The following CDH20 variants were observed in gnomAD, a reference collection of about 807,000 sequenced individuals.
The protein encoded by CDH20 is cadherin 20, also known as cadherin-20.
CDH20 carries 29 observed loss-of-function variants against 74.2 expected under a neutral mutation model. The ratio of observed to expected loss-of-function variants is 0.39; its 90% CI spans 0.29 to 0.53. CDH20 has a LOEUF of 0.53. CDH20 is among the 20% of genes least tolerant of loss of function. The pLI, the probability that CDH20 is intolerant of heterozygous loss-of-function variation, is 0.69. For synonymous variants in CDH20, 469 were observed against 405.4 expected (o/e 1.16, Z -1.88); for missense variants, 988 against 1,048.3 (o/e 0.94, Z 0.79).
chr18:61,363,259 A>G (rs1453360445), intron 1 of CDH20, among the ~76,000 whole-genome samples: 1 of 152,154 alleles, frequency 6.6e-6, no homozygotes, highest in East Asian at 1.9e-4. Flanking sequence ...ATTGGCAGCT[A>G]CACAGCATGG....
intron 6 of CDH20, 38 bp downstream of exon 6, chr18:61,507,598 G>T: frequency 1.4e-6 from 2 of 1,464,432 alleles, no homozygotes; most frequent in Middle Eastern, 1.9e-4. Flanking sequence ...TTTCATGGGT[G>T]CTTTGAATGT....
At chr18:61,554,054 A>C (rs1913529964) in intron 11 of CDH20, 136 bp from the exon 12 acceptor site, 6 of 1,031,086 alleles carry the variant, frequency 5.8e-6, no homozygotes, top group Non-Finnish European at 8.4e-6. Flanking sequence ...CCGAGGTTTC[A>C]GATATCCAAA....
intron 9 of CDH20, among the ~76,000 whole-genome samples, chr18:61,542,527 G>T (rs1177417370): frequency 6.6e-6 from 1 of 152,222 alleles, no homozygotes; most frequent in Non-Finnish European, 1.5e-5. Context: ...CAGAACTAGA[G>T]TTTCCCCAAG....
Position 61,502,959 on chromosome 18 carries a change from T to G in CDH20, c.668T>G (p.Ile223Ser). 1 of 1,604,936 alleles carries G rather than the reference T, an allele frequency of 6.2e-7. No individual in the cohort carries two copies. Among genetic ancestry groups the G allele is most frequent in the South Asian group, 1.1e-5 (1 of 89,154 alleles). Residue 223 changes from isoleucine (I) to serine (S), a missense_variant, in exon 5 of 12, where the codon ATT becomes AGT. By Grantham distance (142) the Ile-to-Ser change is moderately radical (BLOSUM62 -2). This residue lies in a region of CDH20 where 613 missense variants were observed against 755.2 expected (regional missense o/e 0.81). Coordinates refer to ENST00000262717, the MANE Select transcript of CDH20 (RefSeq NM_031891.4). ...YFSVDSKTGV[I>S]RTALMNMDRE... ...AGTCATTTCTATCCTCCAGGTGTAA[T>G]TAGGACAGCGCTCATGAACATGGAC...
intron 1 of CDH20, among the ~76,000 whole-genome samples, chr18:61,397,478 C>A (rs1393679405): frequency 6.6e-6 from 1 of 152,184 alleles, no homozygotes; most frequent in Non-Finnish European, 1.5e-5. Context: ...GGCTCCCGGG[C>A]TGGCTCCTTT....
intron 1 of CDH20, among the ~76,000 whole-genome samples, chr18:61,485,942 G>A (rs762405130): frequency 1.8e-4 from 27 of 152,080 alleles, no homozygotes; most frequent in South Asian, 6.2e-4. Context: ...GTGTGGTGGC[G>A]GGCACCTGCA....
rs552923830 is a variant in CDH20, at chr18:61,366,509, A to G, written c.-153+32682A>G. On this transcript the variant is annotated intron_variant, in intron 1 of 11. Transcript: ENST00000262717. ...AGAACTGGACATTACATAAATCCTT[A>G]TTCTTTTTTATAACAAGTGTTTGAT... Among the ~76,000 whole-genome samples, 42 of 152,310 alleles carry G rather than the reference A, an allele frequency of 2.8e-4. 1 individual carries two copies. In the South Asian group the frequency reaches 3.5e-3, roughly 13 times the overall value.
In CDH20 at chr18:61,442,876, T is replaced by C. The variant is rs1177323717; in HGVS notation, c.-152-47526T>C. 5.3e-5 allele frequency among the ~76,000 whole-genome samples: 8 copies of C among 150,294 alleles called. No homozygotes were observed. In the South Asian group the frequency reaches 1.3e-3, roughly 24 times the overall value. The stretch of plus-strand genomic sequence containing the variant: ...TGGCCTTCTGAGGCCCTCACTGATT[T>C]GCCCTCAGATTTAAAGATCTAATTC... On this transcript the variant is annotated intron_variant, in intron 1 of 11. Coordinates refer to ENST00000262717, the MANE Select transcript of CDH20 (RefSeq NM_031891.4).
At chr18:61,500,275 C>T in intron 3 of CDH20, 108 bp from the exon 4 acceptor site, 3 of 1,167,334 alleles carry the variant, frequency 2.6e-6, no homozygotes, top group Admixed American at 2.2e-5. Context: ...AGGGGACTCT[C>T]CCAATGAAGC....
At chr18:61,456,852 G>A (rs747315450) in intron 1 of CDH20, among the ~76,000 whole-genome samples, 13 of 152,110 alleles carry the variant, frequency 8.5e-5, no homozygotes, top group Non-Finnish European at 1.9e-4. Context: ...GTGTGCAGGT[G>A]GTTGTCTCTT....
chr18:61,502,072 T>C (rs958223194), intron 4 of CDH20, among the ~76,000 whole-genome samples: 1 of 152,218 alleles, frequency 6.6e-6, no homozygotes. Context: ...TCCATTTTCA[T>C]GCAAAAGGTC....
intron 1 of CDH20, among the ~76,000 whole-genome samples, chr18:61,435,597 T>G (rs1331386172): frequency 1.3e-5 from 2 of 152,040 alleles, no homozygotes; most frequent in East Asian, 3.9e-4. Flanking sequence ...GGGATGCCAT[T>G]ATCCCAGAAA....
intron 4 of CDH20, 77 bp downstream of exon 4, chr18:61,500,579 T>C (rs956161767): frequency 2.0e-6 from 3 of 1,475,948 alleles, no homozygotes; most frequent in Admixed American, 3.9e-5. Flanking sequence ...GACCCAACTC[T>C]CCTTTTTAAG....
In CDH20 at chr18:61,435,627, C is replaced by A. The variant is rs73447327; in HGVS notation, c.-152-54775C>A. Among the ~76,000 whole-genome samples the A allele has an allele frequency of 1.8e-4, 28 of 151,832 alleles. No homozygotes were observed. The East Asian group carries it at 5.2e-3, about 28-fold the overall frequency. ...CAGAAAGAGGAAATATCAGAAGAAG[C>A]AGATTCATAGGCAGACATAGGACAA... On this transcript the variant is annotated intron_variant, in intron 1 of 11. Coordinates refer to ENST00000262717, the MANE Select transcript of CDH20 (RefSeq NM_031891.4).
At chr18:61,517,969 C>G (rs1185746591) in intron 6 of CDH20, among the ~76,000 whole-genome samples, 1 of 152,118 alleles carries the variant, frequency 6.6e-6, no homozygotes, top group Non-Finnish European at 1.5e-5. Context: ...ACTGAGTAGG[C>G]AGTTTTCCCC....
chr18:61,419,762 A>G (rs956006334), intron 1 of CDH20, among the ~76,000 whole-genome samples: 1 of 152,078 alleles, frequency 6.6e-6, no homozygotes, highest in Admixed American at 6.5e-5. Flanking sequence ...CAATTTATCA[A>G]TGTTTCTCTT....
chr18:61,528,356 GT>G (rs1912516182), intron 7 of CDH20, 136 bp downstream of exon 7: 2 of 823,226 alleles, frequency 2.4e-6, no homozygotes, highest in African/African-American at 3.7e-5. Context: ...AGTTTTTTGT[GT>G]TGTTTTTTTT....
At chr18:61,451,968 T>G (rs559401641) in intron 1 of CDH20, among the ~76,000 whole-genome samples, 2 of 152,288 alleles carry the variant, frequency 1.3e-5, no homozygotes, top group African/African-American at 2.4e-5. Context: ...CCATTGACCT[T>G]TCTGTCTGTT....
chr18:61,466,020 A>G (rs1909949204), intron 1 of CDH20, among the ~76,000 whole-genome samples: 1 of 151,756 alleles, frequency 6.6e-6, no homozygotes, highest in Non-Finnish European at 1.5e-5. Flanking sequence ...TGATTGTGCC[A>G]CTGCACTCCA....
Sources: allele counts gnomAD v4.1 joint callset (sites outside exome capture counted in the v4.1 genomes callset), GRCh38; gene constraint gnomAD v4.1.1; regional missense constraint gnomAD v4.1.1; transcripts MANE v1.5; gene names NCBI Gene and HGNC (gene_info 2026-07-23, HGNC 2026-07-21).